Variants in ACSM3 observed in about 807,000 individuals in gnomAD.
The protein encoded by ACSM3 is acyl-CoA synthetase medium chain family member 3, also known as acyl-coenzyme A synthetase ACSM3, mitochondrial.
A neutral mutation model predicts 74.1 loss-of-function variants in ACSM3; 61 were observed. The observed-to-expected ratio is 0.82, with a 90% CI of 0.67 to 1.02. The LOEUF (loss-of-function observed/expected upper bound fraction) is 1.02. ACSM3 is among the 50% of genes least tolerant of loss of function. The pLI, the probability that ACSM3 is intolerant of heterozygous loss-of-function variation, is 0.00. For missense variants in ACSM3, 660 were observed against 697.0 expected, an observed-to-expected ratio of 0.95 and a Z score of 0.60; for synonymous variants, 213 against 241.5, an observed-to-expected ratio of 0.88 and a Z score of 1.09.
chr16:20,727,634 G>C (rs949392579), intron 1 of ACSM3, among the ~76,000 whole-genome samples: 8 of 152,116 alleles, frequency 5.3e-5, no homozygotes, highest in African/African-American at 1.9e-4. Flanking sequence ...GCTCAGTTAG[G>C]TTTTGCTAAA....
chr16:20,769,419 G>A (rs2080164296), intron 1 of ACSM3, among the ~76,000 whole-genome samples: 1 of 152,226 alleles, frequency 6.6e-6, no homozygotes, highest in South Asian at 2.1e-4. Flanking sequence ...CCTATTGAGA[G>A]CATGGGAACT....
chr16:20,726,059 T>C (rs2079804662), intron 1 of ACSM3, among the ~76,000 whole-genome samples: 2 of 151,964 alleles, frequency 1.3e-5, no homozygotes, highest in African/African-American at 4.8e-5. Flanking sequence ...GAATATCCTC[T>C]AGGACAACTG....
chr16:20,710,386 G>A (rs1323866953), intron 1 of ACSM3, among the ~76,000 whole-genome samples: 1 of 152,114 alleles, frequency 6.6e-6, no homozygotes, highest in Non-Finnish European at 1.5e-5. Context: ...CCATCTGAGT[G>A]TAGCACTTAC....
intron 3 of ACSM3, among the ~76,000 whole-genome samples, chr16:20,776,449 C>T (rs1231342639): frequency 6.6e-6 from 1 of 152,154 alleles, no homozygotes; most frequent in African/African-American, 2.4e-5. Flanking sequence ...TACTGTGTCG[C>T]CTGGGAAGAG....
chr16:20,685,092 G>T (rs2079522429), intron 1 of ACSM3: 1 of 1,278,244 alleles, frequency 7.8e-7, no homozygotes, highest in Non-Finnish European at 1.1e-6. Context: ...AGGCTTCAAA[G>T]CTGTGTCAGT....
In ACSM3 at chr16:20,794,358, C is replaced by T. The variant is rs532286954; in HGVS notation, c.1555-2012C>T. 5.9e-5 allele frequency among the ~76,000 whole-genome samples: 9 copies of T among 152,234 alleles called. No homozygotes were observed. The South Asian group carries it at 1.7e-3, about 28-fold the overall frequency. ...ATCTCTTTGAGAATGTGAAGAAAAC[C>T]ATAGGCCACTGTTAAGACTTATGCA... On this transcript the variant is annotated intron_variant, in intron 12 of 13. Coordinates refer to ENST00000289416, the MANE Select transcript of ACSM3 (RefSeq NM_005622.4).
intron 1 of ACSM3, among the ~76,000 whole-genome samples, chr16:20,707,351 T>C (rs1253776404): frequency 6.6e-6 from 1 of 152,148 alleles, no homozygotes; most frequent in African/African-American, 2.4e-5. Flanking sequence ...GCCCTGCAAC[T>C]TGGTTTCCGC....
At chr16:20,752,270 C>T (rs1256503378) in intron 2 of ACSM3, among the ~76,000 whole-genome samples, 1 of 152,010 alleles carries the variant, frequency 6.6e-6, no homozygotes, top group Non-Finnish European at 1.5e-5. Context: ...TCTGGGAGGC[C>T]AAGGCCAGAG....
chr16:20,740,342 C>A (rs1255648385), intron 1 of ACSM3, among the ~76,000 whole-genome samples: 3 of 152,172 alleles, frequency 2.0e-5, no homozygotes, highest in Non-Finnish European at 4.4e-5. Context: ...TTGCAGTGAG[C>A]AAGAGCATGC....
intron 1 of ACSM3, among the ~76,000 whole-genome samples, chr16:20,700,926 A>T (rs1412128813): frequency 6.6e-6 from 1 of 152,136 alleles, no homozygotes; most frequent in East Asian, 1.9e-4. Flanking sequence ...ACTGCAATAG[A>T]CTAAACAAGT....
At chr16:20,708,968 A>G (rs1300953388) in intron 1 of ACSM3, among the ~76,000 whole-genome samples, 7 of 152,380 alleles carry the variant, frequency 4.6e-5, no homozygotes, top group Middle Eastern at 3.4e-3. Flanking sequence ...GAAATAAACC[A>G]TTGCATTTAC....
chr16:20,761,799 G>GT (rs1372190110), upstream of ACSM3, among the ~76,000 whole-genome samples: 1 of 152,140 alleles, frequency 6.6e-6, no homozygotes, highest in Non-Finnish European at 1.5e-5. Context: ...TCAAGCATGC[G>GT]TACTAAGAGG....
chr16:20,777,432 C>A lies in ACSM3; in HGVS notation c.490C>A (p.Gln164Lys). 1 of 1,614,052 alleles carries A rather than the reference C, an allele frequency of 6.2e-7. No homozygotes were observed. Among genetic ancestry groups the A allele is most frequent in the Non-Finnish European group, 8.5e-7 (1 of 1,179,968 alleles). ...LTQKDILYRL[Q>K]SSKANCIITN... ...CCAGAAAGACATTCTCTACAGACTACAATCTTCAAAAGCAAACTGCATTAT... is the reference window on the plus strand; with the variant it reads ...CCAGAAAGACATTCTCTACAGACTAAAATCTTCAAAAGCAAACTGCATTAT... Residue 164 changes from glutamine (Q) to lysine (K), a missense_variant, in exon 4 of 14, where the codon CAA becomes AAA. Coordinates refer to ENST00000289416, the MANE Select transcript of ACSM3 (RefSeq NM_005622.4).
intron 1 of ACSM3, among the ~76,000 whole-genome samples, chr16:20,723,045 CA>C (rs2079791329): frequency 6.6e-6 from 1 of 152,104 alleles, no homozygotes; most frequent in Non-Finnish European, 1.5e-5. Context: ...TCCCCCACCC[CA>C]CAACAGGCCC....
At chr16:20,708,071 C>T (rs535290607) in intron 1 of ACSM3, among the ~76,000 whole-genome samples, 12 of 152,292 alleles carry the variant, frequency 7.9e-5, no homozygotes, top group Non-Finnish European at 1.5e-4. Context: ...GAGGCCAAGG[C>T]GGGTGGATCA....
chr16:20,752,710 T>A (rs1390604904), intron 2 of ACSM3, among the ~76,000 whole-genome samples: 1 of 152,158 alleles, frequency 6.6e-6, no homozygotes, highest in Middle Eastern at 3.2e-3. Context: ...GAGATCCCTA[T>A]GAAATAATAG....
At chr16:20,689,370 A>G (rs2079612377) in intron 1 of ACSM3, among the ~76,000 whole-genome samples, 1 of 152,156 alleles carries the variant, frequency 6.6e-6, no homozygotes. Context: ...AACACAAAAG[A>G]TGTCAGTAAG....
intron 1 of ACSM3, chr16:20,691,075 T>G: frequency 6.2e-7 from 1 of 1,613,804 alleles, no homozygotes; most frequent in African/African-American, 1.3e-5. Flanking sequence ...CATTCCATCT[T>G]GGGGCTCCAA....
At chr16:20,691,252 T>C (rs1014690654) in intron 1 of ACSM3, 1 of 1,364,390 alleles carries the variant, frequency 7.3e-7, no homozygotes, top group African/African-American at 1.5e-5. Flanking sequence ...TGGGAAGAGA[T>C]GGCTAATAGA....
Sources: gnomAD v4.1 joint callset for allele counts (sites outside exome capture counted in the v4.1 genomes callset) on GRCh38, gnomAD v4.1.1 for gene constraint, MANE v1.5 for transcripts, NCBI Gene and HGNC (gene_info 2026-07-23, HGNC 2026-07-21) for gene names.